The following BICDL1 variants were observed in gnomAD, a reference collection of about 807,000 sequenced individuals.
BICDL1 encodes the protein BICD family-like cargo adapter 1.
A neutral mutation model predicts 76.8 loss-of-function variants in BICDL1; 20 were observed. The ratio of observed to expected loss-of-function variants is 0.26; its 90% confidence interval spans 0.18 to 0.38. The LOEUF is 0.38. Ranked by LOEUF, BICDL1 falls within the 10% of genes least tolerant of loss-of-function variation. BICDL1 has a pLI of 1.00. For synonymous variants in BICDL1, 383 were observed against 337.1 expected, an observed-to-expected ratio of 1.14 and a Z score of -1.49; for missense variants, 700 against 798.6, an observed-to-expected ratio of 0.88 and a Z score of 1.49.
chr12:120,034,500 G>A (rs1451273773), intron 2 of BICDL1, among the ~76,000 whole-genome samples: 2 of 152,178 alleles, frequency 1.3e-5, no homozygotes, highest in Non-Finnish European at 2.9e-5. Context: ...GTGACTTTAT[G>A]ACCCGTTTTG....
chr12:119,996,950 ATTTTTTT>A (rs368753843), intron 1 of BICDL1, among the ~76,000 whole-genome samples: 1 of 121,426 alleles, frequency 8.2e-6, no homozygotes, highest in Non-Finnish European at 1.8e-5. Context: ...AAACAAAAAG[ATTTTTTT>A]TTTTTTTTTG....
chr12:120,019,018 C>A (rs1952123897), intron 2 of BICDL1: 2 of 146,030 alleles, frequency 1.4e-5, no homozygotes, highest in Non-Finnish European at 3.0e-5. Flanking sequence ...GCACTCCAGC[C>A]TGGGCGACAG....
In BICDL1 at chr12:120,071,446, T is replaced by C. The variant is rs1262120784; in HGVS notation, c.910-176T>C. ...GGTGAGCCACCGCGCCCAGTCAGAA[T>C]TTTCTAGATCTGGATTTTGCTGAGT... On this transcript the variant is annotated intron_variant, in intron 4 of 9. Transcript: ENST00000548673. The surrounding 1 kb of genome is among the most constrained non-coding windows in gnomAD (Gnocchi z 4.8). Among the ~76,000 whole-genome samples, 2 of 152,146 alleles carry C rather than the reference T, an allele frequency of 1.3e-5. No individual in the cohort carries two copies. The highest frequency in any genetic ancestry group is 2.9e-5 in the Non-Finnish European group (2 of 68,024).
chr12:120,091,925 C>T (rs1486670100), intron 9 of BICDL1: 1 of 985,160 alleles, frequency 1.0e-6, no homozygotes, highest in Non-Finnish European at 1.2e-6. Flanking sequence ...GCCCTGAACA[C>T]AGGCCTCACC....
chr12:120,020,808 G>C (rs1952163520), intron 2 of BICDL1, among the ~76,000 whole-genome samples: 1 of 152,188 alleles, frequency 6.6e-6, no homozygotes, highest in African/African-American at 2.4e-5. Flanking sequence ...GCTCCATCTT[G>C]GCATCATGAA....
chr12:120,049,738 C>T (rs1434490432), intron 2 of BICDL1, among the ~76,000 whole-genome samples: 3 of 152,190 alleles, frequency 2.0e-5, no homozygotes, highest in Admixed American at 6.5e-5. Context: ...ACTATACTAA[C>T]GTAGTGCTTC....
At chr12:119,996,251 ACTG>A (rs1951643130) in intron 1 of BICDL1, among the ~76,000 whole-genome samples, 1 of 152,182 alleles carries the variant, frequency 6.6e-6, no homozygotes, top group African/African-American at 2.4e-5. Flanking sequence ...TTAATTTTCT[ACTG>A]CTGTTTTTAT....
intron 3 of BICDL1, among the ~76,000 whole-genome samples, chr12:120,063,186 T>C (rs1179544812): frequency 6.6e-6 from 1 of 152,178 alleles, no homozygotes; most frequent in African/African-American, 2.4e-5. Flanking sequence ...AGATGATTCA[T>C]GGGAAGGAAA....
chr12:120,081,623 A>C (rs1873996647), intron 8 of BICDL1, among the ~76,000 whole-genome samples: 1 of 151,770 alleles, frequency 6.6e-6, no homozygotes. Context: ...TGCTGAGATT[A>C]CAGGCGTGAG....
intron 9 of BICDL1, chr12:120,090,859 G>C (rs1874899250): frequency 7.8e-7 from 1 of 1,286,782 alleles, no homozygotes; most frequent in African/African-American, 1.5e-5. Flanking sequence ...ATGGCAGCCA[G>C]CTGGCCGCGC....
At chr12:120,009,935 G>T (rs1951921350) in intron 2 of BICDL1, among the ~76,000 whole-genome samples, 1 of 152,242 alleles carries the variant, frequency 6.6e-6, no homozygotes, top group South Asian at 2.1e-4. Flanking sequence ...AGCTAAAAGA[G>T]AACTTCTGGT....
chr12:120,012,971 G>A (rs974887631), intron 2 of BICDL1, among the ~76,000 whole-genome samples: 1 of 152,120 alleles, frequency 6.6e-6, no homozygotes, highest in Non-Finnish European at 1.5e-5. Context: ...TCAGTGGTAG[G>A]GACATTTGGG....
chr12:120,017,429 A>G (rs1303728982), intron 2 of BICDL1, among the ~76,000 whole-genome samples: 1 of 152,154 alleles, frequency 6.6e-6, no homozygotes, highest in African/African-American at 2.4e-5. Flanking sequence ...GTGTCTTTTT[A>G]TGCATCATCT....
chr12:120,081,444 G>A (rs1873984775), intron 8 of BICDL1, among the ~76,000 whole-genome samples: 1 of 146,698 alleles, frequency 6.8e-6, no homozygotes, highest in South Asian at 2.1e-4. Flanking sequence ...CTCTGCCTCT[G>A]GGTTTAAGCG....
chr12:120,016,434 C>CT (rs1174613877), intron 2 of BICDL1, among the ~76,000 whole-genome samples: 6,569 of 95,764 alleles, frequency 0.069, 213 homozygotes, highest in Non-Finnish European at 0.087. Context: ...TGTCTGTAAC[C>CT]TTTTTTTTTT....
At chr12:120,021,511 CAGAA>C (rs1391660262) in intron 2 of BICDL1, among the ~76,000 whole-genome samples, 1 of 144,188 alleles carries the variant, frequency 6.9e-6, no homozygotes. Context: ...CGCTTGAACC[CAGAA>C]GGCAGAGGTT....
chr12:120,061,159 C>T (rs1343881343), intron 2 of BICDL1, among the ~76,000 whole-genome samples: 1 of 152,138 alleles, frequency 6.6e-6, no homozygotes, highest in East Asian at 1.9e-4. Flanking sequence ...TGCTGGCACT[C>T]CCCAAAGAAT....
chr12:120,092,831 G>T, intron 9 of BICDL1, 169 bp from the exon 10 acceptor site: 1 of 985,422 alleles, frequency 1.0e-6, no homozygotes, highest in Non-Finnish European at 1.2e-6. Context: ...CGTGCGCCTG[G>T]TGTCTTGCCC....
chr12:120,071,389 G>T lies in BICDL1; in HGVS notation c.910-233G>T, dbSNP rs1237122688. ...ACTCCTGACCTTAGGTGATCTGCCC[G>T]CCTCGGCCTCCCAAAGTGCTGGGAT... On this transcript the variant is annotated intron_variant, in intron 4 of 9. Transcript: ENST00000548673. The surrounding 1 kb of genome is among the most constrained non-coding windows in gnomAD (Gnocchi z 4.8). 1.3e-5 allele frequency among the ~76,000 whole-genome samples: 2 copies of T among 152,086 alleles called. No individual in the cohort carries two copies. Among genetic ancestry groups the T allele is most frequent in the African/African-American group, 4.8e-5 (2 of 41,488 alleles).
Sources: gnomAD v4.1 joint callset for allele counts (sites outside exome capture counted in the v4.1 genomes callset) on GRCh38, gnomAD v4.1.1 for gene constraint, Gnocchi (gnomAD v3.1) non-coding constraint, MANE v1.5 for transcripts, NCBI Gene and HGNC (gene_info 2026-07-23, HGNC 2026-07-21) for gene names.